The following MAF variants were observed in gnomAD, a reference collection of about 807,000 sequenced individuals.
MAF encodes MAF bZIP transcription factor, also known as transcription factor Maf.
A neutral mutation model predicts 22.0 loss-of-function variants in MAF; 10 were observed. The ratio of observed to expected loss-of-function variants is 0.45; its 90% CI spans 0.28 to 0.77. The LOEUF is 0.77. MAF is among the 30% of genes least tolerant of loss of function. The pLI is 0.12. For synonymous variants in MAF, 337 were observed against 255.8 expected (o/e 1.32, Z -3.03); for missense variants, 544 against 548.4 (o/e 0.99, Z 0.08).
the MAF span, among the ~76,000 whole-genome samples, chr16:79,517,275 G>C: frequency 1.3e-5 from 2 of 152,206 alleles, no homozygotes; most frequent in Non-Finnish European, 2.9e-5. Context: ...AGCAGCACCA[G>C]AGAGTACTGA....
At chr16:79,231,711 GT>G in the MAF span, among the ~76,000 whole-genome samples, 17 of 152,100 alleles carry the variant, frequency 1.1e-4, no homozygotes, top group Non-Finnish European at 2.4e-4. Flanking sequence ...CCAGGGACTG[GT>G]TTCACGGAAG....
chr16:79,289,889 G>A, the MAF span, among the ~76,000 whole-genome samples: 1 of 143,032 alleles, frequency 7.0e-6, no homozygotes, highest in South Asian at 2.2e-4. Flanking sequence ...GTCTTGCTCT[G>A]TCACCTGGCT....
the MAF span, among the ~76,000 whole-genome samples, chr16:79,226,612 T>G: frequency 1.3e-5 from 2 of 152,060 alleles, no homozygotes; most frequent in African/African-American, 4.8e-5. Context: ...CCATTTTTGT[T>G]AAACCTACAT....
chr16:79,552,973 G>C, the MAF span, among the ~76,000 whole-genome samples: 5 of 152,210 alleles, frequency 3.3e-5, no homozygotes, highest in African/African-American at 4.8e-5. Flanking sequence ...ACACTTCCCT[G>C]AGGTAAAATT....
the MAF span, among the ~76,000 whole-genome samples, chr16:79,208,696 G>C: frequency 6.6e-6 from 1 of 151,586 alleles, no homozygotes; most frequent in Non-Finnish European, 1.5e-5. Flanking sequence ...GTTTACTATT[G>C]AGATTTCACT....
At chr16:79,343,286 G>A in the MAF span, among the ~76,000 whole-genome samples, 1 of 151,542 alleles carries the variant, frequency 6.6e-6, no homozygotes, top group Admixed American at 6.6e-5. Context: ...TTCTCTTCCT[G>A]GTTATTTCCT....
chr16:79,272,769 C>G, the MAF span, among the ~76,000 whole-genome samples: 3 of 152,126 alleles, frequency 2.0e-5, no homozygotes, highest in African/African-American at 4.8e-5. Context: ...TCCTCACCAC[C>G]CACAATTCGG....
chr16:79,289,163 T>G, the MAF span, among the ~76,000 whole-genome samples: 1 of 152,132 alleles, frequency 6.6e-6, no homozygotes, highest in Non-Finnish European at 1.5e-5. Flanking sequence ...TTCTCAAGAT[T>G]GTGGAGAAAC....
chr16:79,233,226 C>T, the MAF span, among the ~76,000 whole-genome samples: 1 of 151,990 alleles, frequency 6.6e-6, no homozygotes, highest in African/African-American at 2.4e-5. Flanking sequence ...TATCAATGCA[C>T]AGAATGGGTC....
At chr16:79,454,476 TAG>T in the MAF span, among the ~76,000 whole-genome samples, 2 of 152,090 alleles carry the variant, frequency 1.3e-5, no homozygotes, top group East Asian at 3.9e-4. Flanking sequence ...GCTAGTAGCA[TAG>T]AGAGTAAATG....
the MAF span, among the ~76,000 whole-genome samples, chr16:79,372,534 A>G: frequency 6.6e-6 from 1 of 152,338 alleles, no homozygotes; most frequent in African/African-American, 2.4e-5. Flanking sequence ...GAAAGATTAC[A>G]TCAGACTGGA....
At chr16:79,567,471 AT>A in the MAF span, among the ~76,000 whole-genome samples, 12 of 152,176 alleles carry the variant, frequency 7.9e-5, no homozygotes, top group African/African-American at 2.9e-4. Flanking sequence ...AAGGCAAGGG[AT>A]TTTTTTGTTT....
chr16:79,430,973 T>G, the MAF span, among the ~76,000 whole-genome samples: 1 of 152,148 alleles, frequency 6.6e-6, no homozygotes, highest in African/African-American at 2.4e-5. Context: ...GGAAGAGACT[T>G]CCCTCTTTTC....
At chr16:79,468,165 G>A in the MAF span, among the ~76,000 whole-genome samples, 5 of 152,050 alleles carry the variant, frequency 3.3e-5, no homozygotes, top group African/African-American at 4.8e-5. Flanking sequence ...TTCTCTTCCC[G>A]GGCTGCAGAG....
chr16:79,452,368 A>T, the MAF span, among the ~76,000 whole-genome samples: 9 of 152,234 alleles, frequency 5.9e-5, no homozygotes, highest in Non-Finnish European at 1.2e-4. Flanking sequence ...CCTTAACTAC[A>T]TATATGCAAT....
chr16:79,493,700 G>T, the MAF span, among the ~76,000 whole-genome samples: 2 of 152,192 alleles, frequency 1.3e-5, no homozygotes, highest in Non-Finnish European at 2.9e-5. Context: ...TGATAAAAGG[G>T]TGGAGCTAAT....
chr16:79,358,542 G>C, the MAF span, among the ~76,000 whole-genome samples: 16 of 152,216 alleles, frequency 1.1e-4, no homozygotes, highest in Non-Finnish European at 1.0e-4. Flanking sequence ...ATAGAGGAGC[G>C]TGGATGGGAG....
the MAF span, among the ~76,000 whole-genome samples, chr16:79,484,534 T>C: frequency 4.4e-3 from 677 of 152,292 alleles, 3 homozygotes; most frequent in African/African-American, 0.015. Context: ...GTCCCTGCTA[T>C]GGTGGGAGGG....
the MAF span, among the ~76,000 whole-genome samples, chr16:79,337,505 T>C: frequency 1.3e-5 from 2 of 151,486 alleles, no homozygotes; most frequent in African/African-American, 4.9e-5. Context: ...GAGGCGGAGG[T>C]TGCAGTGAGC....
Sources: allele counts gnomAD v4.1 joint callset (sites outside exome capture counted in the v4.1 genomes callset), GRCh38; gene constraint gnomAD v4.1.1; transcripts MANE v1.5; gene names NCBI Gene and HGNC (gene_info 2026-07-23, HGNC 2026-07-21).